Variants in NBEA observed in about 807,000 individuals in gnomAD.
The protein encoded by NBEA is lysosomal-trafficking regulator 2.
Under a neutral mutation model 343.4 loss-of-function variants are expected in NBEA, and 44 were observed. That is an observed-to-expected ratio of 0.13 (90% CI 0.10 to 0.16). The LOEUF is 0.16. Ranked by LOEUF, NBEA falls within the 10% of genes least tolerant of loss-of-function variation. The probability of loss-of-function intolerance (pLI) is 1.00; values close to 1 mark genes in which losing one functional copy is unlikely to be tolerated. For synonymous variants in NBEA, 1,175 were observed against 1,238.7 expected, an observed-to-expected ratio of 0.95 and a Z score of 1.08; for missense variants, 2,555 against 3,631.3, an observed-to-expected ratio of 0.70 and a Z score of 7.62.
At chr13:35,366,698 T>A (rs1282252946) in intron 38 of NBEA, among the ~76,000 whole-genome samples, 23 of 133,102 alleles carry the variant, frequency 1.7e-4, no homozygotes, top group Non-Finnish European at 4.6e-5. Flanking sequence ...GCTACTCAGG[T>A]ATTCAGGAAA....
At chr13:35,047,026 A>G (rs2062881522) in intron 4 of NBEA, among the ~76,000 whole-genome samples, 1 of 152,118 alleles carries the variant, frequency 6.6e-6, no homozygotes, top group South Asian at 2.1e-4. Context: ...TTTGGAATGT[A>G]AGTTCATCTA....
intron 10 of NBEA, among the ~76,000 whole-genome samples, chr13:35,073,564 T>G (rs1002118184): frequency 5.9e-5 from 9 of 152,192 alleles, no homozygotes; most frequent in Non-Finnish European, 1.0e-4. Flanking sequence ...TCATTGTTTC[T>G]TAAGCCTTAC....
At position 35,671,033 on chromosome 13, in the gene NBEA, C is replaced by A; in HGVS notation, c.*42C>A. On this transcript the variant is annotated 3_prime_UTR_variant, in exon 59 of 59. Coordinates refer to ENST00000379939, the MANE Select transcript of NBEA (RefSeq NM_001385012.1). ...AAAAGCCAAGTTAAAGCTGAGAGCA[C>A]AAGTGCTGCATGGAAAGGCAATATC... 1 of 1,404,342 alleles carries A rather than the reference C, an allele frequency of 7.1e-7. No individual in the cohort carries two copies. 87.0% of individuals were successfully genotyped at this position (1,404,342 alleles called of 1,614,324 possible).
At position 35,461,328 on chromosome 13, in the gene NBEA, G is replaced by C. The variant is rs558260646; in HGVS notation, c.6448+9093G>C. On this transcript the variant is annotated intron_variant, in intron 40 of 58. Coordinates refer to ENST00000379939, the MANE Select transcript of NBEA (RefSeq NM_001385012.1). ...TGTTCTTTCTTAATACAGTGTAATA[G>C]TTGAAACCCATTTTGATTTTCTACT... is the stretch of plus-strand genomic sequence containing the variant. Among the ~76,000 whole-genome samples the C allele has an allele frequency of 8.5e-5, 13 of 152,272 alleles. No homozygotes were observed. The South Asian group carries it at 2.7e-3, about 32-fold the overall frequency.
intron 41 of NBEA, among the ~76,000 whole-genome samples, chr13:35,547,620 G>A (rs1365605943): frequency 6.6e-6 from 1 of 152,160 alleles, no homozygotes; most frequent in Non-Finnish European, 1.5e-5. Flanking sequence ...AGGCGTGGTG[G>A]CTCACACCTG....
chr13:35,477,877 A>G (rs1309051045), intron 41 of NBEA, among the ~76,000 whole-genome samples: 1 of 152,212 alleles, frequency 6.6e-6, no homozygotes, highest in Non-Finnish European at 1.5e-5. Context: ...ACCTGGAAAC[A>G]GGAGGAGGAA....
At chr13:35,439,479 A>T (rs2045619402) in intron 39 of NBEA, among the ~76,000 whole-genome samples, 1 of 152,208 alleles carries the variant, frequency 6.6e-6, no homozygotes. Context: ...TGGCATGGAG[A>T]CATAAACGAC....
chr13:35,377,956 C>A (rs1166786479), intron 38 of NBEA, among the ~76,000 whole-genome samples: 2 of 152,148 alleles, frequency 1.3e-5, no homozygotes, highest in African/African-American at 4.8e-5. Flanking sequence ...TCTTTATGAG[C>A]TCTTCAGTAA....
intron 1 of NBEA, among the ~76,000 whole-genome samples, chr13:35,002,528 A>G (rs1255078360): frequency 6.6e-6 from 1 of 152,190 alleles, no homozygotes; most frequent in Non-Finnish European, 1.5e-5. Context: ...CCCTCTTCTA[A>G]TAGTTAAAGA....
chr13:35,623,695 T>G (rs139050525), intron 48 of NBEA, among the ~76,000 whole-genome samples: 2 of 152,216 alleles, frequency 1.3e-5, no homozygotes, highest in Admixed American at 1.3e-4. Context: ...ATCTTAAAAC[T>G]GAGATGAAAT....
chr13:35,165,538 T>A (rs1165010423), intron 24 of NBEA, among the ~76,000 whole-genome samples: 1 of 151,996 alleles, frequency 6.6e-6, no homozygotes. Context: ...GTGTGAAGAG[T>A]GCAAGTATAC....
At chr13:35,440,062 T>C (rs1594644878) in intron 39 of NBEA, among the ~76,000 whole-genome samples, 1 of 152,298 alleles carries the variant, frequency 6.6e-6, no homozygotes, top group Middle Eastern at 3.4e-3. Context: ...GTATTTTTAG[T>C]AGAGACAGGG....
intron 1 of NBEA, among the ~76,000 whole-genome samples, chr13:34,968,242 C>T (rs1436930634): frequency 6.6e-6 from 1 of 152,132 alleles, no homozygotes; most frequent in Non-Finnish European, 1.5e-5. Context: ...CTGGAAGCAT[C>T]CTGGACCTCG....
chr13:35,252,493 T>C (rs2032101231), intron 34 of NBEA, among the ~76,000 whole-genome samples: 1 of 152,196 alleles, frequency 6.6e-6, no homozygotes, highest in Non-Finnish European at 1.5e-5. Context: ...CTGCTGGAGC[T>C]CTGGCCTAGG....
chr13:35,493,539 T>G (rs893555499), intron 41 of NBEA, among the ~76,000 whole-genome samples: 2 of 151,958 alleles, frequency 1.3e-5, no homozygotes, highest in Admixed American at 6.6e-5. Flanking sequence ...TAGTCATATG[T>G]TTTATTTGAA....
rs1172372804 is a variant in NBEA at position 35,432,316 on chromosome 13, G to A, written c.6227G>A (p.Arg2076His). Residue 2076 changes from arginine (R) to histidine (H), a missense_variant, in exon 39 of 59, where the codon CGT becomes CAT. By Grantham distance (29) the Arg-to-His change is conservative. Around this residue, in one of 21 missense-constraint regions of NBEA, gnomAD observed 246 missense variants for 313.7 expected, o/e 0.78. Coordinates refer to ENST00000379939, the MANE Select transcript of NBEA (RefSeq NM_001385012.1). Reference sequence around the variant, plus strand: ...TTGGATTACTGGGAAGATGATCTTCGTCGAAGGAGACGATTTGTTCGCAAT... The same window carrying A: ...TTGGATTACTGGGAAGATGATCTTCATCGAAGGAGACGATTTGTTCGCAAT... ...WRLDYWEDDL[R>H]RRRRFVRNAF... The A allele has an allele frequency of 1.9e-6, 3 of 1,606,924 alleles. No homozygotes were observed. The highest frequency in any genetic ancestry group is 2.6e-6 in the Non-Finnish European group (3 of 1,176,328).
intron 44 of NBEA, among the ~76,000 whole-genome samples, chr13:35,563,489 CT>C (rs1368961708): frequency 2.6e-5 from 4 of 151,780 alleles, no homozygotes; most frequent in African/African-American, 4.8e-5. Flanking sequence ...CTTCATCACT[CT>C]TTTTTTCCAT....
Position 35,426,545 on chromosome 13 carries a change from G to T in NBEA, c.6180-5724G>T, listed in dbSNP as rs188357806. ...TAGTCTGATGGGCTTCCCTTTGTGG[G>T]TAACCCGACCTTTCTCTCTGGCTGC... On this transcript the variant is annotated intron_variant, in intron 38 of 58. Coordinates refer to ENST00000379939, the MANE Select transcript of NBEA (RefSeq NM_001385012.1). Among the ~76,000 whole-genome samples, 1,153 of 152,292 alleles carry T rather than the reference G, an allele frequency of 7.6e-3. 19 individuals are homozygous for T. Among genetic ancestry groups the T allele is most frequent in the African/African-American group, 0.026 (1,099 of 41,554 alleles).
chr13:35,425,622 C>T (rs1029921899), intron 38 of NBEA, among the ~76,000 whole-genome samples: 2 of 151,952 alleles, frequency 1.3e-5, no homozygotes, highest in South Asian at 2.1e-4. Flanking sequence ...ATGTATATTC[C>T]GTTGATTTGG....
Sources: allele counts gnomAD v4.1 joint callset (sites outside exome capture counted in the v4.1 genomes callset), GRCh38; gene constraint gnomAD v4.1.1; regional missense constraint gnomAD v4.1.1; transcripts MANE v1.5; gene names NCBI Gene and HGNC (gene_info 2026-07-23, HGNC 2026-07-21).